Variants in FBXW11 observed in about 807,000 individuals in gnomAD.
The protein encoded by FBXW11 is F-box and WD repeat domain containing 11, also known as F-box/WD repeat-containing protein 11.
In FBXW11, 19 loss-of-function variants were observed where a neutral mutation model predicts 77.6. The ratio of observed to expected loss-of-function variants is 0.24; its 90% CI spans 0.17 to 0.36. FBXW11 has a LOEUF of 0.36. FBXW11 is among the 10% of genes least tolerant of loss of function. The pLI is 1.00. For synonymous variants in FBXW11, 235 were observed against 249.4 expected, an observed-to-expected ratio of 0.94 and a Z score of 0.54; for missense variants, 334 against 704.2, an observed-to-expected ratio of 0.47 and a Z score of 5.95.
At chr5:171,918,545 A>T (rs1476725623) in intron 2 of FBXW11, among the ~76,000 whole-genome samples, 1 of 152,190 alleles carries the variant, frequency 6.6e-6, no homozygotes, top group African/African-American at 2.4e-5. Context: ...GTTATTTGAA[A>T]TACCAACCAG....
At position 171,946,805 on chromosome 5, in the gene FBXW11, C is replaced by CT. The variant is rs70982356; in HGVS notation, c.147+10791dup. On this transcript the variant is annotated intron_variant, in intron 2 of 13. Coordinates refer to ENST00000517395, the MANE Select transcript of FBXW11 (RefSeq NM_001378974.1). The stretch of plus-strand genomic sequence containing the variant: ...ACTATCTAACATCCTGTGTACTTTA[C>CT]TTTTTTTTTTTTTTTTTTTTTTTTT... Among the ~76,000 whole-genome samples, 377 of 58,622 alleles carry CT rather than the reference C, an allele frequency of 6.4e-3. 57 individuals are homozygous for CT. The highest frequency in any genetic ancestry group is 0.027 in the African/African-American group (348 of 12,750). The allele number at this position is 58,622 out of a possible 152,430, so 38.5% of individuals were successfully genotyped here.
chr5:171,933,068 C>T (rs1342444586), intron 2 of FBXW11, among the ~76,000 whole-genome samples: 1 of 143,298 alleles, frequency 7.0e-6, no homozygotes, highest in Admixed American at 7.3e-5. Flanking sequence ...GAGGTTGAGG[C>T]TTCAGTGAGC....
intron 2 of FBXW11, 55 bp from the exon 3 acceptor site, chr5:171,914,460 T>G (rs1184467893): frequency 3.5e-6 from 5 of 1,426,658 alleles, no homozygotes; most frequent in Non-Finnish European, 4.7e-6. Context: ...AAATCCTAAA[T>G]AACTACAATA....
chr5:171,930,754 T>TAAAAAAAAAAAAAA (rs1300857997), intron 2 of FBXW11, among the ~76,000 whole-genome samples: 3 of 32,296 alleles, frequency 9.3e-5, no homozygotes, highest in African/African-American at 2.5e-4. Context: ...AAATAAAAAA[T>TAAAAAAAAAAAAAA]AAAAAAATAA....
chr5:171,880,112 G>T (rs1046663271), intron 7 of FBXW11, among the ~76,000 whole-genome samples: 7 of 152,174 alleles, frequency 4.6e-5, no homozygotes, highest in African/African-American at 1.7e-4. Flanking sequence ...TTTTTGTGAA[G>T]TATATAGGAT....
At position 171,863,533 on chromosome 5, in the gene FBXW11, C is replaced by A. The variant is rs1436862715; in HGVS notation, c.*594G>T. On this transcript the variant is annotated 3_prime_UTR_variant, in exon 14 of 14. Transcript: ENST00000517395. ...TTCTTTAAATTAAAAGAAATTGGTA[C>A]AGAAAGGAAGTATAATCCCAAAAAT... 6.6e-6 allele frequency: 1 copy of A among 152,442 alleles called. No homozygotes were observed. The highest frequency in any genetic ancestry group is 2.4e-5 in the African/African-American group (1 of 41,398). 9.4% of individuals were successfully genotyped at this position (152,442 alleles called of 1,614,324 possible).
At position 171,977,421 on chromosome 5, in the gene FBXW11, C is replaced by G. The variant is rs566862611; in HGVS notation, c.46-19723G>C. On this transcript the variant is annotated intron_variant, in intron 1 of 13. Transcript: ENST00000517395. ...GGTATTTTGTTATAGCAGCACAAAA[C>G]AAACTAAGACAGATGCTGGGAATGA... Among the ~76,000 whole-genome samples, 8 of 151,848 alleles carry G rather than the reference C, an allele frequency of 5.3e-5. No homozygotes were observed. In the South Asian group the frequency reaches 8.3e-4, roughly 16 times the overall value.
intron 1 of FBXW11, among the ~76,000 whole-genome samples, chr5:171,984,897 G>A (rs1765353482): frequency 2.0e-5 from 3 of 152,128 alleles, no homozygotes; most frequent in Admixed American, 1.3e-4. Context: ...TTACGGTGAC[G>A]ACATGCCTAA....
chr5:171,953,100 G>T (rs921060042), intron 2 of FBXW11, among the ~76,000 whole-genome samples: 1 of 152,120 alleles, frequency 6.6e-6, no homozygotes. Context: ...TCCCAGAGTA[G>T]CTAGGACTAC....
At chr5:171,946,397 AAAATTCTCTAAT>A (rs1222129893) in intron 2 of FBXW11, among the ~76,000 whole-genome samples, 1 of 152,166 alleles carries the variant, frequency 6.6e-6, no homozygotes, top group Non-Finnish European at 1.5e-5. Flanking sequence ...CCCTCTGGTA[AAAATTCTCTAAT>A]GACTTCCCAT....
chr5:171,938,871 A>G (rs1356238190), intron 2 of FBXW11, among the ~76,000 whole-genome samples: 1 of 152,240 alleles, frequency 6.6e-6, no homozygotes, highest in African/African-American at 2.4e-5. Flanking sequence ...AATAACTTTC[A>G]GTATACACCT....
At chr5:171,979,895 T>C (rs548010200) in intron 1 of FBXW11, among the ~76,000 whole-genome samples, 11 of 152,302 alleles carry the variant, frequency 7.2e-5, no homozygotes, top group African/African-American at 1.9e-4. Context: ...CCAGTTTCAA[T>C]TGGCTGGAAC....
chr5:171,929,837 G>A (rs1026813558), intron 2 of FBXW11, among the ~76,000 whole-genome samples: 2 of 152,182 alleles, frequency 1.3e-5, no homozygotes, highest in African/African-American at 4.8e-5. Context: ...AGGCGAGAGA[G>A]CGAGACTCTG....
At chr5:171,872,158 A>AAAGTT (rs1757790900) in intron 10 of FBXW11, among the ~76,000 whole-genome samples, 1 of 152,240 alleles carries the variant, frequency 6.6e-6, no homozygotes, top group African/African-American at 2.4e-5. Context: ...TATAAACGCC[A>AAAGTT]AAGTTTAGTC....
intron 2 of FBXW11, among the ~76,000 whole-genome samples, chr5:171,939,451 C>CT: frequency 6.6e-6 from 1 of 152,194 alleles, no homozygotes; most frequent in Non-Finnish European, 1.5e-5. Context: ...AATCCCAGCA[C>CT]TTTGGGAAGC....
chr5:171,870,473 G>A (rs1000853041), intron 11 of FBXW11, among the ~76,000 whole-genome samples: 20 of 152,098 alleles, frequency 1.3e-4, no homozygotes, highest in Non-Finnish European at 2.6e-4. Flanking sequence ...ATCAACTATT[G>A]AAACCTAAGC....
At chr5:171,912,320 G>A (rs528712928) in intron 3 of FBXW11, among the ~76,000 whole-genome samples, 1 of 152,112 alleles carries the variant, frequency 6.6e-6, no homozygotes, top group Non-Finnish European at 1.5e-5. Context: ...ACTGACACCA[G>A]GTACCACCAG....
At chr5:171,895,065 C>T (rs1317808442) in intron 6 of FBXW11, among the ~76,000 whole-genome samples, 1 of 152,162 alleles carries the variant, frequency 6.6e-6, no homozygotes, top group Non-Finnish European at 1.5e-5. Flanking sequence ...GGAAGAGGCT[C>T]AGCCTTCAAA....
At chr5:171,945,759 G>C (rs1428846876) in intron 2 of FBXW11, among the ~76,000 whole-genome samples, 1 of 152,120 alleles carries the variant, frequency 6.6e-6, no homozygotes. Flanking sequence ...CTAAATTCTT[G>C]TTAGATATTG....
Sources: allele counts gnomAD v4.1 joint callset (sites outside exome capture counted in the v4.1 genomes callset), GRCh38; gene constraint gnomAD v4.1.1; transcripts MANE v1.5; gene names NCBI Gene and HGNC (gene_info 2026-07-23, HGNC 2026-07-21).